The following CASD1 variants were observed in gnomAD, a reference collection of about 807,000 sequenced individuals.
CASD1 encodes N-acetylneuraminate (7)9-O-acetyltransferase.
In CASD1, 41 loss-of-function variants were observed where a neutral mutation model predicts 100.0. That is an observed-to-expected ratio of 0.41 (90% CI 0.32 to 0.53). The LOEUF is 0.53. CASD1 is among the 20% of genes least tolerant of loss of function. CASD1 has a pLI of 0.25. For missense variants in CASD1, 774 were observed against 948.7 expected (o/e 0.82, Z 2.42); for synonymous variants, 321 against 315.6 (o/e 1.02, Z -0.18).
the CASD1 span, among the ~76,000 whole-genome samples, chr7:94,601,484 A>G: frequency 1.1e-3 from 167 of 147,134 alleles, 2 homozygotes; most frequent in East Asian, 0.029. Flanking sequence ...AAACTACAAC[A>G]GTTGCACTAT....
chr7:94,517,932 G>T (rs1244885745), intron 2 of CASD1, among the ~76,000 whole-genome samples: 1 of 152,170 alleles, frequency 6.6e-6, no homozygotes, highest in Non-Finnish European at 1.5e-5. Context: ...CTATCTTATG[G>T]AGTTATTCTA....
Position 94,510,025 on chromosome 7 carries a change from T to A in CASD1, c.-60T>A. On this transcript the variant is annotated 5_prime_UTR_variant, in exon 1 of 18. Coordinates refer to ENST00000297273, the MANE Select transcript of CASD1 (RefSeq NM_022900.5). Reference sequence around the variant, plus strand: ...GCTGCAGCGGCGGCAGCCCCAGTGCTGCCCCTGTGCGGCGCCCCTTTCCCG... The same window carrying A: ...GCTGCAGCGGCGGCAGCCCCAGTGCAGCCCCTGTGCGGCGCCCCTTTCCCG... The A allele has an allele frequency of 7.0e-7, 1 of 1,438,006 alleles. No individual in the cohort carries two copies. The highest frequency in any genetic ancestry group is 1.4e-5 in the South Asian group (1 of 70,678). The allele number at this position is 1,438,006 out of a possible 1,614,324, so 89.1% of individuals were successfully genotyped here. A position where few individuals can be genotyped will look rare whatever the true frequency, so the allele number is the denominator to read the frequency against.
At chr7:94,579,359 T>C in the CASD1 span, among the ~76,000 whole-genome samples, 1 of 151,982 alleles carries the variant, frequency 6.6e-6, no homozygotes. Flanking sequence ...CTTAATCACA[T>C]AAAAATTAAA....
At chr7:94,529,336 C>G (rs1344386322) in intron 5 of CASD1, among the ~76,000 whole-genome samples, 1 of 152,136 alleles carries the variant, frequency 6.6e-6, no homozygotes, top group African/African-American at 2.4e-5. Flanking sequence ...CCTTTATAGG[C>G]TATTTACTAA....
the CASD1 span, among the ~76,000 whole-genome samples, chr7:94,630,984 C>T: frequency 1.9e-4 from 29 of 151,978 alleles, no homozygotes; most frequent in East Asian, 2.3e-3. Flanking sequence ...TGGATGGCTG[C>T]CAGAAAAGGG....
chr7:94,585,877 A>G, the CASD1 span, among the ~76,000 whole-genome samples: 1 of 151,990 alleles, frequency 6.6e-6, no homozygotes, highest in African/African-American at 2.4e-5. Flanking sequence ...AGGGCAGAGA[A>G]AATGAGAAAA....
chr7:94,509,945 C>T lies in CASD1; in HGVS notation c.-140C>T, dbSNP rs1249773867. 163 of 1,188,248 alleles carry T rather than the reference C, an allele frequency of 1.4e-4. No homozygotes were observed. Among genetic ancestry groups the T allele is most frequent in the Non-Finnish European group, 1.7e-4 (158 of 952,896 alleles). 73.6% of individuals were successfully genotyped at this position (1,188,248 alleles called of 1,614,324 possible). ...GGCGCCGCGGCCGCGGGGTCAGGTT[C>T]CCCGGCGGGAGGCGCAGGTGGCGGC... On this transcript the variant is annotated 5_prime_UTR_variant, in exon 1 of 18. Coordinates refer to ENST00000297273, the MANE Select transcript of CASD1 (RefSeq NM_022900.5).
chr7:94,604,934 A>C, the CASD1 span, among the ~76,000 whole-genome samples: 1 of 148,190 alleles, frequency 6.7e-6, no homozygotes. Flanking sequence ...GGCAAATGAG[A>C]AGCATATGTG....
In CASD1 at chr7:94,510,008, G is replaced by T; in HGVS notation, c.-77G>T. On this transcript the variant is annotated 5_prime_UTR_variant, in exon 1 of 18. Coordinates refer to ENST00000297273, the MANE Select transcript of CASD1 (RefSeq NM_022900.5). The stretch of plus-strand genomic sequence containing the variant: ...CGGCCGCTCCTCGCCTGGCTGCAGC[G>T]GCGGCAGCCCCAGTGCTGCCCCTGT... The T allele has an allele frequency of 7.7e-7, 1 of 1,304,146 alleles. No individual in the cohort carries two copies. Among genetic ancestry groups the T allele is most frequent in the Non-Finnish European group, 9.9e-7 (1 of 1,012,880 alleles). 80.8% of individuals were successfully genotyped at this position (1,304,146 alleles called of 1,614,324 possible). A position where few individuals can be genotyped will look rare whatever the true frequency, so the allele number is the denominator to read the frequency against.
chr7:94,537,499 T>G lies in CASD1; in HGVS notation c.871T>G (p.Cys291Gly), dbSNP rs1562942237. The G allele has an allele frequency of 6.2e-7, 1 of 1,610,388 alleles. No homozygotes were observed. ...TTAMILMNVY[C>G]NKILKPVDGS... ...TGCAATGATTCTTATGAATGTGTAT[T>G]GCAATAAGATTTTGAAGCCTGTAGA... Residue 291 changes from cysteine to glycine, a missense_variant, in exon 9 of 18, where the codon TGC becomes GGC. This residue lies in a region of CASD1 where 453 missense variants were observed against 532.6 expected (regional missense o/e 0.85). Coordinates refer to ENST00000297273, the MANE Select transcript of CASD1 (RefSeq NM_022900.5).
the CASD1 span, among the ~76,000 whole-genome samples, chr7:94,563,722 A>G: frequency 1.1e-4 from 17 of 149,228 alleles, no homozygotes; most frequent in African/African-American, 3.5e-4. Context: ...ATCATTTGGT[A>G]TATGTCCAGA....
the CASD1 span, among the ~76,000 whole-genome samples, chr7:94,584,798 G>GT: frequency 6.6e-6 from 1 of 152,162 alleles, no homozygotes; most frequent in Non-Finnish European, 1.5e-5. Context: ...CACATTAGCA[G>GT]TAACTATTCT....
chr7:94,599,518 T>C, the CASD1 span: 69 of 606,558 alleles, frequency 1.1e-4, no homozygotes, highest in Non-Finnish European at 1.7e-4. Context: ...CAAACCCTTT[T>C]TAGTTTTAGT....
chr7:94,530,568 A>G (rs796200803), intron 5 of CASD1, among the ~76,000 whole-genome samples: 1 of 152,160 alleles, frequency 6.6e-6, no homozygotes, highest in Admixed American at 6.6e-5. Context: ...AACCATTGAA[A>G]GTTTTAAGCA....
At chr7:94,617,762 C>T in the CASD1 span, 1 of 145,710 alleles carries the variant, frequency 6.9e-6, no homozygotes, top group African/African-American at 2.6e-5. Context: ...TTGGACTTTA[C>T]AGCTCACTGT....
chr7:94,585,595 G>T, the CASD1 span: 1 of 901,434 alleles, frequency 1.1e-6, no homozygotes, highest in Non-Finnish European at 1.9e-6. Context: ...GCAAATTATG[G>T]CAAGGAGAAA....
In CASD1 at chr7:94,555,989, A is replaced by G; in HGVS notation, c.*231A>G. The G allele has an allele frequency of 2.5e-6, 1 of 404,894 alleles. No homozygotes were observed. The highest frequency in any genetic ancestry group is 3.9e-5 in the East Asian group (1 of 25,814). The allele number at this position is 404,894 out of a possible 1,614,324, so 25.1% of individuals were successfully genotyped here. Reference sequence around the variant, plus strand: ...AACAAAAAACCAGAATGCATTGTATAGGATTGCATGTGAAGTCTTTTCTAC... The same window carrying G: ...AACAAAAAACCAGAATGCATTGTATGGGATTGCATGTGAAGTCTTTTCTAC... On this transcript the variant is annotated 3_prime_UTR_variant, in exon 18 of 18. Transcript: ENST00000297273.
At chr7:94,607,534 A>G in the CASD1 span, among the ~76,000 whole-genome samples, 7 of 152,220 alleles carry the variant, frequency 4.6e-5, no homozygotes, top group East Asian at 1.3e-3. Context: ...TCAACAGGCT[A>G]AAGAAGAAAA....
At position 94,509,913 on chromosome 7, in the gene CASD1, G is replaced by T; in HGVS notation, c.-172G>T. Reference sequence around the variant, plus strand: ...CCGCGGCCGAGGAGGGGCAGGCGGAGGTCGGGGGCGCCGCGGCCGCGGGGT... The same window carrying T: ...CCGCGGCCGAGGAGGGGCAGGCGGATGTCGGGGGCGCCGCGGCCGCGGGGT... On this transcript the variant is annotated 5_prime_UTR_variant, in exon 1 of 18. In the 5' UTR this introduces an upstream ATG that the reference lacks. Transcript: ENST00000297273. 1 of 1,122,960 alleles carries T rather than the reference G, an allele frequency of 8.9e-7. No homozygotes were observed. Among genetic ancestry groups the T allele is most frequent in the Non-Finnish European group, 1.1e-6 (1 of 915,822 alleles). 69.6% of individuals were successfully genotyped at this position (1,122,960 alleles called of 1,614,324 possible). A position where few individuals can be genotyped will look rare whatever the true frequency, so the allele number is the denominator to read the frequency against.
Sources: gnomAD v4.1 joint callset for allele counts (sites outside exome capture counted in the v4.1 genomes callset) on GRCh38, gnomAD v4.1.1 for gene constraint, gnomAD v4.1.1 regional missense constraint, MANE v1.5 for transcripts, NCBI Gene and HGNC (gene_info 2026-07-23, HGNC 2026-07-21) for gene names.